The following RAD54L2 variants were observed in gnomAD, a reference collection of about 807,000 sequenced individuals.
The protein encoded by RAD54L2 is helicase ARIP4.
In RAD54L2, 27 loss-of-function variants were observed where a neutral mutation model predicts 138.4. The observed-to-expected ratio is 0.20, with a 90% CI of 0.14 to 0.27. The LOEUF is 0.27. Ranked by LOEUF, RAD54L2 falls within the 10% of genes least tolerant of loss-of-function variation. The probability of loss-of-function intolerance (pLI) is 1.00; values close to 1 mark genes in which losing one functional copy is unlikely to be tolerated. For missense variants in RAD54L2, 1,396 were observed against 1,890.2 expected (o/e 0.74, Z 4.85); for synonymous variants, 644 against 723.2 (o/e 0.89, Z 1.76).
chr3:51,626,526 C>T (rs1009166485), intron 3 of RAD54L2, among the ~76,000 whole-genome samples: 12 of 134,128 alleles, frequency 8.9e-5, no homozygotes, highest in African/African-American at 3.3e-4. Context: ...CTCACTGCAA[C>T]CTCCGCCTCC....
In RAD54L2 at chr3:51,645,114, A is replaced by G. The variant is rs1219157138; in HGVS notation, c.2541A>G (p.Val847=). The G allele has an allele frequency of 5.0e-6, 8 of 1,614,002 alleles. No homozygotes were observed. The highest frequency in any genetic ancestry group is 1.3e-5 in the African/African-American group (1 of 75,040). ...SWNPCHDAQA[V]CRVYRYGQKK... The stretch of plus-strand genomic sequence containing the variant: ...ACCCTTGCCATGATGCCCAGGCAGT[A>G]TGTCGGGTATACCGTTATGGCCAGA... Residue 847 remains valine (V), a synonymous_variant, in exon 17 of 23, where the codon GTA becomes GTG. Transcript: ENST00000684192. The surrounding 1 kb of genome is among the most constrained non-coding windows in gnomAD (Gnocchi z 6.1).
At chr3:51,620,093 T>C (rs1252205245) in intron 3 of RAD54L2, among the ~76,000 whole-genome samples, 1 of 151,858 alleles carries the variant, frequency 6.6e-6, no homozygotes, top group Non-Finnish European at 1.5e-5. Context: ...GTCTTTTTTT[T>C]TCATTTTTTT....
chr3:51,662,303 A>T lies in RAD54L2; in HGVS notation c.3410-123A>T. 1.2e-6 allele frequency: 1 copy of T among 850,112 alleles called. No homozygotes were observed. Among genetic ancestry groups the T allele is most frequent in the Middle Eastern group, 2.8e-4 (1 of 3,622 alleles). 52.7% of individuals were successfully genotyped at this position (850,112 alleles called of 1,614,324 possible). On this transcript the variant is annotated intron_variant, in intron 22 of 22. Transcript: ENST00000684192. The surrounding 1 kb of genome is among the most constrained non-coding windows in gnomAD (Gnocchi z 4.6). The stretch of plus-strand genomic sequence containing the variant: ...AAAGGTTGACTGGGTGATGTTGTTC[A>T]GACATCAAACTATTAGAATTTTGGG...
rs768354274 is a variant in RAD54L2 at position 51,626,436 on chromosome 3, C to CTTTTTTT, written c.140-1097_140-1091dup. Among the ~76,000 whole-genome samples the CTTTTTTT allele has an allele frequency of 2.0e-4, 8 of 39,392 alleles. 2 individuals carry two copies. The highest frequency in any genetic ancestry group is 5.0e-4 in the Admixed American group (1 of 1,994). 25.8% of individuals were successfully genotyped at this position (39,392 alleles called of 152,430 possible). ...TGACATCCCCTGGACCCCCAACGAT[C>CTTTTTTT]TTTTTTTTTTTTTTTTTTTTTTTTT... On this transcript the variant is annotated intron_variant, in intron 3 of 22. Coordinates refer to ENST00000684192, the MANE Select transcript of RAD54L2 (RefSeq NM_015106.4).
intron 21 of RAD54L2, among the ~76,000 whole-genome samples, chr3:51,658,146 A>G (rs1701656428): frequency 6.6e-6 from 1 of 150,446 alleles, no homozygotes; most frequent in Non-Finnish European, 1.5e-5. Flanking sequence ...GTTGGCCAGG[A>G]TGGTCTCGAT....
At chr3:51,658,354 A>T (rs1297811492) in intron 21 of RAD54L2, among the ~76,000 whole-genome samples, 1 of 152,198 alleles carries the variant, frequency 6.6e-6, no homozygotes, top group Non-Finnish European at 1.5e-5. Context: ...TGCTTGGAGC[A>T]GGGTGGGGGT....
chr3:51,667,190 G>T lies in RAD54L2; in HGVS notation c.*3770G>T, dbSNP rs1340557645. The stretch of plus-strand genomic sequence containing the variant: ...CTTCCTTTTTTTTTTTTTTGAGACA[G>T]AGTCTTGCTCTGTCACCCAGGCTTG... On this transcript the variant is annotated 3_prime_UTR_variant, in exon 23 of 23. Coordinates refer to ENST00000684192, the MANE Select transcript of RAD54L2 (RefSeq NM_015106.4). The T allele has an allele frequency of 6.7e-6, 1 of 149,168 alleles. No individual in the cohort carries two copies. The highest frequency in any genetic ancestry group is 2.5e-5 in the African/African-American group (1 of 40,268). 9.2% of individuals were successfully genotyped at this position (149,168 alleles called of 1,614,324 possible). A position where few individuals can be genotyped will look rare whatever the true frequency, so the allele number is the denominator to read the frequency against.
At chr3:51,614,521 T>C (rs888436929) in intron 3 of RAD54L2, among the ~76,000 whole-genome samples, 27 of 147,936 alleles carry the variant, frequency 1.8e-4, no homozygotes, top group African/African-American at 6.4e-4. Flanking sequence ...TCAGATCTCT[T>C]TTTTTTTTTT....
chr3:51,587,405 T>C (rs558094443), intron 2 of RAD54L2, among the ~76,000 whole-genome samples: 2 of 152,228 alleles, frequency 1.3e-5, no homozygotes, highest in African/African-American at 2.4e-5. Context: ...TCTGGCCGGA[T>C]AGTCGTTTCT....
Position 51,636,533 on chromosome 3 carries a change from C to T in RAD54L2, c.1340-628C>T, listed in dbSNP as rs141179031. Among the ~76,000 whole-genome samples the T allele has an allele frequency of 2.3e-3, 350 of 152,318 alleles. 1 individual carries two copies. Among genetic ancestry groups the T allele is most frequent in the Admixed American group, 8.8e-3 (135 of 15,292 alleles). On this transcript the variant is annotated intron_variant, in intron 10 of 22. Coordinates refer to ENST00000684192, the MANE Select transcript of RAD54L2 (RefSeq NM_015106.4). ...CTGGATTATTCCTATTGGTTTCATCCAGGTGCATTTTTAATCCTAGGCTGG... is the reference window on the plus strand; with the variant it reads ...CTGGATTATTCCTATTGGTTTCATCTAGGTGCATTTTTAATCCTAGGCTGG...
rs1197268731 is a variant in RAD54L2 at position 51,643,886 on chromosome 3, A to G, written c.2362A>G (p.Ser788Gly). 3.1e-6 allele frequency: 5 copies of G among 1,605,550 alleles called. No individual in the cohort carries two copies. The Admixed American group carries it at 5.1e-5, about 16-fold the overall frequency. Reference protein sequence around the residue: ...RNISYFRLDGSTPAFERERLI... With the variant: ...RNISYFRLDGGTPAFERERLI... ...TCCTTCCTTCCTAGGGCTAGATGGT[A>G]GCACCCCTGCCTTTGAGAGGGAGCG... The change falls in exon 16 of 23, where the codon AGC (serine) becomes GGC (glycine). Residue 788 changes from serine (S) to glycine (G), a missense_variant. Ser to Gly is a moderately conservative substitution (Grantham distance 56). Coordinates refer to ENST00000684192, the MANE Select transcript of RAD54L2 (RefSeq NM_015106.4).
Position 51,656,088 on chromosome 3 carries a change from C to T in RAD54L2, c.3144C>T (p.Ser1048=), listed in dbSNP as rs148075881. 6.8e-6 allele frequency: 11 copies of T among 1,614,020 alleles called. No homozygotes were observed. Among genetic ancestry groups the T allele is most frequent in the Non-Finnish European group, 9.3e-6 (11 of 1,179,904 alleles). The stretch of plus-strand genomic sequence containing the variant: ...TGGGAGGAAGTGTAAGCTCTGCCTC[C>T]AGCACAAATCCATCCATGAACTTTC... ...VPLGGSVSSA[S]STNPSMNFPI... The change falls in exon 20 of 23, where the codon TCC becomes TCT. Residue 1048 remains serine, a synonymous_variant. Transcript: ENST00000684192.
At chr3:51,591,477 T>A (rs572791290) in intron 3 of RAD54L2, among the ~76,000 whole-genome samples, 1 of 152,304 alleles carries the variant, frequency 6.6e-6, no homozygotes, top group African/African-American at 2.4e-5. Flanking sequence ...ATCCTCTGTC[T>A]TTACTGGTGT....
intron 2 of RAD54L2, among the ~76,000 whole-genome samples, chr3:51,543,360 G>C (rs1698604211): frequency 6.6e-6 from 1 of 152,100 alleles, no homozygotes. Flanking sequence ...TGTAATGCCA[G>C]CACTTTGGCA....
At chr3:51,562,973 A>G (rs1030371748) in intron 2 of RAD54L2, among the ~76,000 whole-genome samples, 1 of 152,126 alleles carries the variant, frequency 6.6e-6, no homozygotes, top group Non-Finnish European at 1.5e-5. Flanking sequence ...TTCCCAGGCA[A>G]TACCTCTGCC....
chr3:51,556,136 A>G (rs1698958380), intron 2 of RAD54L2, among the ~76,000 whole-genome samples: 1 of 152,102 alleles, frequency 6.6e-6, no homozygotes, highest in Non-Finnish European at 1.5e-5. Context: ...TTTTTCCTAC[A>G]TAAACGATAG....
chr3:51,581,942 T>C (rs1191407759), intron 2 of RAD54L2, among the ~76,000 whole-genome samples: 1 of 151,904 alleles, frequency 6.6e-6, no homozygotes, highest in Non-Finnish European at 1.5e-5. Context: ...TTTTTTTTTT[T>C]TGAGTCAGGG....
In RAD54L2 at chr3:51,639,627, A is replaced by G; in HGVS notation, c.2069A>G (p.Asn690Ser). 6.2e-7 allele frequency: 1 copy of G among 1,613,888 alleles called. No homozygotes were observed. Among genetic ancestry groups the G allele is most frequent in the Middle Eastern group, 1.6e-4 (1 of 6,062 alleles). Residue 690 changes from asparagine to serine, a missense_variant, in exon 13 of 23, where the codon AAC becomes AGC. By Grantham distance (46) the Asn-to-Ser change is conservative. Around this residue, in one of 7 missense-constraint regions of RAD54L2, gnomAD observed 211 missense variants for 273.8 expected, o/e 0.77. Transcript: ENST00000684192. ...AAGTTCCTACAGGGCGTTGGCTTCA[A>G]CCCTTTCCAGGAGCGAGGCAACAAC... ...NSKFLQGVGF[N>S]PFQERGNNIV... is the part of the protein sequence containing the mutation.
chr3:51,584,414 G>T (rs1055639951), intron 2 of RAD54L2, among the ~76,000 whole-genome samples: 3 of 152,102 alleles, frequency 2.0e-5, no homozygotes. Flanking sequence ...TGCTTTGTGT[G>T]TATCTAAATT....
Sources: allele counts gnomAD v4.1 joint callset (sites outside exome capture counted in the v4.1 genomes callset), GRCh38; gene constraint gnomAD v4.1.1; regional missense constraint gnomAD v4.1.1; non-coding constraint Gnocchi (gnomAD v3.1); transcripts MANE v1.5; gene names NCBI Gene and HGNC (gene_info 2026-07-23, HGNC 2026-07-21).